PACRG: variants seen among roughly 807,000 people sequenced by gnomAD.
PACRG encodes the protein parkin coregulated.
Under a neutral mutation model 29.7 loss-of-function variants are expected in PACRG, and 29 were observed. The observed-to-expected ratio is 0.98, with a 90% CI of 0.73 to 1.33. The LOEUF is 1.33. Among genes scored for constraint, PACRG ranks in the 40% most tolerant of loss-of-function variants. The pLI, the probability that PACRG is intolerant of heterozygous loss-of-function variation, is 0.00. For missense variants in PACRG, 279 were observed against 316.2 expected (o/e 0.88, Z 0.89); for synonymous variants, 116 against 118.7 (o/e 0.98, Z 0.15).
At chr6:162,804,379 T>TG (rs1458265662) in intron 1 of PACRG, among the ~76,000 whole-genome samples, 1 of 152,186 alleles carries the variant, frequency 6.6e-6, no homozygotes, top group African/African-American at 2.4e-5. Context: ...GGACAGTGAC[T>TG]GAGGGACATG....
intron 2 of PACRG, among the ~76,000 whole-genome samples, chr6:162,848,192 A>G (rs1405579694): frequency 6.6e-6 from 1 of 152,226 alleles, no homozygotes; most frequent in Non-Finnish European, 1.5e-5. Context: ...GGATTTGGCA[A>G]GCATTCAAAT....
chr6:162,885,995 T>C (rs1794303842), intron 2 of PACRG, among the ~76,000 whole-genome samples: 1 of 152,228 alleles, frequency 6.6e-6, no homozygotes, highest in African/African-American at 2.4e-5. Flanking sequence ...TTCCAATTTT[T>C]CATTAGTTGT....
intron 2 of PACRG, among the ~76,000 whole-genome samples, chr6:162,832,101 T>C (rs970100301): frequency 6.6e-6 from 1 of 152,230 alleles, no homozygotes; most frequent in African/African-American, 2.4e-5. Context: ...CCACAATGGT[T>C]GAACTAAATT....
At chr6:162,783,539 A>G (rs563099835) in intron 1 of PACRG, among the ~76,000 whole-genome samples, 1 of 152,124 alleles carries the variant, frequency 6.6e-6, no homozygotes, top group South Asian at 2.1e-4. Flanking sequence ...ATTAGTTTAC[A>G]TTATAATTTT....
intron 4 of PACRG, among the ~76,000 whole-genome samples, chr6:163,162,890 G>A (rs1213627641): frequency 6.6e-6 from 1 of 151,972 alleles, no homozygotes; most frequent in Non-Finnish European, 1.5e-5. Context: ...TCTGGTTTTC[G>A]GTAGCACAGT....
chr6:162,730,531 T>A (rs1400698897), intron 1 of PACRG, among the ~76,000 whole-genome samples: 1 of 152,160 alleles, frequency 6.6e-6, no homozygotes, highest in Non-Finnish European at 1.5e-5. Context: ...ACTCCTGATA[T>A]TTCTCTGAGT....
intron 4 of PACRG, among the ~76,000 whole-genome samples, chr6:163,277,553 A>T (rs1462352990): frequency 6.7e-6 from 1 of 148,862 alleles, no homozygotes; most frequent in East Asian, 2.0e-4. Context: ...ATATATGTGT[A>T]TGCATATGTC....
chr6:163,025,390 T>G (rs904467712), intron 2 of PACRG, among the ~76,000 whole-genome samples: 1 of 152,180 alleles, frequency 6.6e-6, no homozygotes, highest in Admixed American at 6.5e-5. Flanking sequence ...TAGTAAAGTT[T>G]CAGGATGCAA....
At chr6:162,975,973 T>G (rs1216094488) in intron 2 of PACRG, among the ~76,000 whole-genome samples, 2 of 152,158 alleles carry the variant, frequency 1.3e-5, no homozygotes, top group Non-Finnish European at 2.9e-5. Flanking sequence ...TGACAGAATG[T>G]GCTGGAAAGG....
chr6:162,950,880 A>T (rs1441363634), intron 2 of PACRG, among the ~76,000 whole-genome samples: 1 of 152,224 alleles, frequency 6.6e-6, no homozygotes, highest in Non-Finnish European at 1.5e-5. Context: ...AGTTGATGAA[A>T]ATAAGCTTGT....
At chr6:163,250,337 A>G (rs973346571) in intron 4 of PACRG, among the ~76,000 whole-genome samples, 6 of 152,254 alleles carry the variant, frequency 3.9e-5, no homozygotes, top group Admixed American at 3.9e-4. Context: ...GACAGACTGG[A>G]ACAGTGCTTG....
intron 4 of PACRG, among the ~76,000 whole-genome samples, chr6:163,175,029 C>T (rs551013421): frequency 1.3e-5 from 2 of 152,284 alleles, no homozygotes; most frequent in South Asian, 2.1e-4. Flanking sequence ...CATGTTACTG[C>T]GTCATCTACT....
At chr6:162,908,862 C>T (rs1259691353) in intron 2 of PACRG, among the ~76,000 whole-genome samples, 1 of 152,050 alleles carries the variant, frequency 6.6e-6, no homozygotes, top group Non-Finnish European at 1.5e-5. Flanking sequence ...TAGTACAGCA[C>T]AGGGAGATGG....
intron 1 of PACRG, 71 bp from the exon 2 acceptor site, chr6:162,814,076 A>T: frequency 6.9e-7 from 1 of 1,454,886 alleles, no homozygotes; most frequent in South Asian, 1.4e-5. Context: ...TTAAAAACAG[A>T]AAGTTCTTTT....
chr6:162,851,935 A>G (rs1156341292), intron 2 of PACRG, among the ~76,000 whole-genome samples: 3 of 146,088 alleles, frequency 2.1e-5, no homozygotes, highest in Non-Finnish European at 4.5e-5. Flanking sequence ...AAGAAAAGAA[A>G]GGAAGGGAGA....
At chr6:163,063,445 G>A (rs1376972534) in intron 3 of PACRG, among the ~76,000 whole-genome samples, 1 of 152,164 alleles carries the variant, frequency 6.6e-6, no homozygotes, top group Non-Finnish European at 1.5e-5. Context: ...GCTCAGGTGA[G>A]CTCTTGCCGT....
intron 2 of PACRG, among the ~76,000 whole-genome samples, chr6:162,966,357 A>G (rs2128151722): frequency 6.6e-6 from 1 of 152,270 alleles, no homozygotes; most frequent in Admixed American, 6.5e-5. Flanking sequence ...TGATGTCATC[A>G]TCCCCAGGGG....
Position 162,947,636 on chromosome 6 carries a change from A to ATATG in PACRG, c.292-114511_292-114510insGTAT, listed in dbSNP as rs1799333521. Among the ~76,000 whole-genome samples the ATATG allele has an allele frequency of 2.1e-4, 17 of 79,680 alleles. 1 individual carries two copies. Among genetic ancestry groups the ATATG allele is most frequent in the South Asian group, 4.7e-4 (1 of 2,120 alleles). The allele number at this position is 79,680 out of a possible 152,430, so 52.3% of individuals were successfully genotyped here. A position where few individuals can be genotyped will look rare whatever the true frequency, so the allele number is the denominator to read the frequency against. On this transcript the variant is annotated intron_variant, in intron 2 of 4. Coordinates refer to ENST00000366888, the MANE Select transcript of PACRG (RefSeq NM_001080379.2). Reference sequence around the variant, plus strand: ...CATATATATATATATATATATATATATATATATATATACACCCAAAGATTC... The same window carrying ATATG: ...CATATATATATATATATATATATATATATGTATATATATATACACCCAAAGATTC...
intron 1 of PACRG, among the ~76,000 whole-genome samples, chr6:162,748,712 C>T (rs1239030841): frequency 6.6e-6 from 1 of 152,122 alleles, no homozygotes; most frequent in East Asian, 1.9e-4. Context: ...TACTCCCCTC[C>T]CCCAGGTTCA....
Sources: allele counts gnomAD v4.1 joint callset (sites outside exome capture counted in the v4.1 genomes callset), GRCh38; gene constraint gnomAD v4.1.1; transcripts MANE v1.5; gene names NCBI Gene and HGNC (gene_info 2026-07-23, HGNC 2026-07-21).